SUMF1: variants seen among roughly 807,000 people sequenced by gnomAD.
SUMF1 encodes sulfatase modifying factor 1, also known as formylglycine-generating enzyme.
SUMF1 carries 48 observed loss-of-function variants against 47.6 expected under a neutral mutation model. That is an observed-to-expected ratio of 1.01 (90% CI 0.80 to 1.28). The LOEUF (loss-of-function observed/expected upper bound fraction) is 1.28, where lower values mean the gene tolerates loss of function less well. SUMF1 is among the 50% of genes most tolerant of loss of function. SUMF1 has a pLI of 0.00. For missense variants in SUMF1, 571 were observed against 485.4 expected, an observed-to-expected ratio of 1.18 and a Z score of -1.66; for synonymous variants, 230 against 192.1, an observed-to-expected ratio of 1.20 and a Z score of -1.63.
At chr3:4,293,810 C>T (rs1396755145) in intron 8 of SUMF1, among the ~76,000 whole-genome samples, 3 of 152,166 alleles carry the variant, frequency 2.0e-5, no homozygotes, top group African/African-American at 7.2e-5. Context: ...CTACATAATG[C>T]CCTTCACTAT....
intron 8 of SUMF1, among the ~76,000 whole-genome samples, chr3:4,238,434 A>G (rs1696459287): frequency 1.3e-5 from 2 of 152,150 alleles, no homozygotes; most frequent in African/African-American, 4.8e-5. Flanking sequence ...CCTCTCCAGC[A>G]TCTGTTGTTT....
At chr3:4,312,435 T>C (rs1226529037) in intron 8 of SUMF1, among the ~76,000 whole-genome samples, 3 of 152,102 alleles carry the variant, frequency 2.0e-5, no homozygotes, top group Non-Finnish European at 4.4e-5. Context: ...TATACATACA[T>C]AATAATACAT....
chr3:4,235,208 G>A (rs990382820), intron 8 of SUMF1, among the ~76,000 whole-genome samples: 1 of 152,096 alleles, frequency 6.6e-6, no homozygotes, highest in Non-Finnish European at 1.5e-5. Context: ...CTTTATGACT[G>A]GCTGGATAAA....
In SUMF1 at chr3:4,418,093, C is replaced by G; in HGVS notation, c.642G>C (p.Ala214=). The change falls in exon 5 of 9, where the codon GCG becomes GCC. Residue 214 remains alanine, a synonymous_variant. Transcript: ENST00000272902. ...TCCCTGCCCAAGTGCAGTAGGCAAC[C>G]GCATCATTCCAGGACACATGGAGAA... ...HPVLHVSWND[A]VAYCTWAGKR... is the part of the protein sequence containing the mutation. 2 of 1,614,070 alleles carry G rather than the reference C, an allele frequency of 1.2e-6. No individual in the cohort carries two copies. Among genetic ancestry groups the G allele is most frequent in the East Asian group, 2.2e-5 (1 of 44,880 alleles).
At position 4,174,356 on chromosome 3, in the gene SUMF1, C is replaced by CAAA. The variant is rs547741138; in HGVS notation, c.1015-105614_1015-105612dup. 7.4e-3 allele frequency among the ~76,000 whole-genome samples: 835 copies of CAAA among 112,280 alleles called. 5 individuals carry two copies. The highest frequency in any genetic ancestry group is 0.01 in the Non-Finnish European group (575 of 56,184). 73.7% of individuals were successfully genotyped at this position (112,280 alleles called of 152,430 possible). On this transcript the variant is annotated intron_variant and NMD_transcript_variant, in intron 8 of 12. Transcript: ENST00000448413. Reference sequence around the variant, plus strand: ...GGGTGACAGAGCGAGACTCCGTCTCCAAAAAAAAAAAAAAAAAAAAATTAT... The same window carrying CAAA: ...GGGTGACAGAGCGAGACTCCGTCTCCAAAAAAAAAAAAAAAAAAAAAAAATTAT...
chr3:4,047,006 G>T (rs1312455514), intron 9 of SUMF1, among the ~76,000 whole-genome samples: 1 of 151,986 alleles, frequency 6.6e-6, no homozygotes, highest in East Asian at 1.9e-4. Flanking sequence ...AGCTCACTGG[G>T]ATTTGTGCCA....
intron 8 of SUMF1, chr3:4,312,930 A>G: frequency 6.2e-7 from 1 of 1,613,426 alleles, no homozygotes; most frequent in Non-Finnish European, 8.5e-7. Flanking sequence ...GACCTGGAGC[A>G]GACATTGATC....
rs1696708703 is a variant in SUMF1, at chr3:4,248,080, C to T, written c.1014+128250G>A. On this transcript the variant is annotated intron_variant and NMD_transcript_variant, in intron 8 of 12. Coordinates refer to the SUMF1 transcript ENST00000448413. ...GGCATTATCATGGCTTTTGATATTA[C>T]TAGTATTAATTTAATGGGATAATAT... Among the ~76,000 whole-genome samples the T allele has an allele frequency of 2.6e-5, 4 of 152,108 alleles. No individual in the cohort carries two copies. The South Asian group carries it at 8.3e-4, about 32-fold the overall frequency.
intron 8 of SUMF1, among the ~76,000 whole-genome samples, chr3:4,154,762 T>C (rs1694414844): frequency 6.6e-6 from 1 of 151,576 alleles, no homozygotes; most frequent in African/African-American, 2.4e-5. Flanking sequence ...AATAAGAGTT[T>C]TTCTAAGAAC....
chr3:4,109,545 AT>A (rs1559478503), intron 8 of SUMF1, among the ~76,000 whole-genome samples: 1 of 152,120 alleles, frequency 6.6e-6, no homozygotes, highest in African/African-American at 2.4e-5. Context: ...CATTCTTCCC[AT>A]CATTTTCAGG....
chr3:4,111,060 C>G (rs899258731), intron 8 of SUMF1, among the ~76,000 whole-genome samples: 7 of 149,758 alleles, frequency 4.7e-5, no homozygotes, highest in African/African-American at 1.7e-4. Context: ...TTCAGTTGAT[C>G]AAAGTCAGCA....
intron 3 of SUMF1, among the ~76,000 whole-genome samples, chr3:4,436,113 C>G (rs1702388091): frequency 6.6e-6 from 1 of 152,130 alleles, no homozygotes; most frequent in Admixed American, 6.5e-5. Flanking sequence ...GAAACCCCAT[C>G]TCTATTTTTA....
At chr3:4,118,643 T>C (rs761692201) in intron 8 of SUMF1, among the ~76,000 whole-genome samples, 2 of 152,152 alleles carry the variant, frequency 1.3e-5, no homozygotes, top group African/African-American at 2.4e-5. Flanking sequence ...ACTACACTTA[T>C]TGAAGTCAAC....
intron 8 of SUMF1, among the ~76,000 whole-genome samples, chr3:4,160,829 T>C (rs569163810): frequency 1.6e-4 from 25 of 152,246 alleles, no homozygotes; most frequent in Non-Finnish European, 3.4e-4. Flanking sequence ...CCTTAGTCTC[T>C]TATTTAGTTT....
Position 4,362,029 on chromosome 3 carries a change from T to C in SUMF1, c.*115A>G. On this transcript the variant is annotated 3_prime_UTR_variant, in exon 9 of 9. Transcript: ENST00000272902. ...GGTTCCTTTGGCCATTGGGCAGGTA[T>C]GTAACCCACCTCAGGGTGGGAATTC... The C allele has an allele frequency of 9.7e-7, 1 of 1,029,922 alleles. No individual in the cohort carries two copies. The highest frequency in any genetic ancestry group is 1.5e-6 in the Non-Finnish European group (1 of 676,564). 63.8% of individuals were successfully genotyped at this position (1,029,922 alleles called of 1,614,324 possible).
At chr3:4,349,776 T>C (rs79901438) in intron 8 of SUMF1, among the ~76,000 whole-genome samples, 109 of 151,690 alleles carry the variant, frequency 7.2e-4, no homozygotes, top group African/African-American at 2.4e-3. Flanking sequence ...CAAGTGAGAG[T>C]TGAACATTGA....
At chr3:4,095,023 T>C (rs1559465869) in intron 8 of SUMF1, among the ~76,000 whole-genome samples, 1 of 152,052 alleles carries the variant, frequency 6.6e-6, no homozygotes, top group Non-Finnish European at 1.5e-5. Context: ...GAAAAATGAA[T>C]ATTGAATGAA....
At chr3:4,156,997 A>G (rs1024740432) in intron 8 of SUMF1, among the ~76,000 whole-genome samples, 1 of 151,574 alleles carries the variant, frequency 6.6e-6, no homozygotes, top group Non-Finnish European at 1.5e-5. Flanking sequence ...TCCAGAGAGA[A>G]GACTTGGACA....
intron 8 of SUMF1, among the ~76,000 whole-genome samples, chr3:4,349,632 C>T (rs1336971794): frequency 6.6e-6 from 1 of 152,192 alleles, no homozygotes; most frequent in Non-Finnish European, 1.5e-5. Flanking sequence ...GGTACATATA[C>T]ACCATGGAAT....
Sources: allele counts gnomAD v4.1 joint callset (sites outside exome capture counted in the v4.1 genomes callset), GRCh38; gene constraint gnomAD v4.1.1; transcripts MANE v1.5; gene names NCBI Gene and HGNC (gene_info 2026-07-23, HGNC 2026-07-21).